The following ACOXL variants were observed in gnomAD, a reference collection of about 807,000 sequenced individuals.
ACOXL encodes the protein acyl-coenzyme A oxidase-like protein.
A neutral mutation model predicts 71.9 loss-of-function variants in ACOXL; 70 were observed. The ratio of observed to expected loss-of-function variants is 0.97; its 90% confidence interval spans 0.80 to 1.19. The LOEUF (loss-of-function observed/expected upper bound fraction) is 1.19. Ranked by LOEUF, ACOXL falls within the 50% of genes most tolerant of loss-of-function variation. The pLI is 0.00. For missense variants in ACOXL, 703 were observed against 736.3 expected (o/e 0.95, Z 0.52); for synonymous variants, 253 against 281.6 (o/e 0.90, Z 1.02).
intron 10 of ACOXL, among the ~76,000 whole-genome samples, chr2:110,860,496 CTG>C (rs1322773442): frequency 6.6e-6 from 1 of 152,228 alleles, no homozygotes; most frequent in African/African-American, 2.4e-5. Flanking sequence ...GCTGGGGTGT[CTG>C]TGCATCACCT....
At chr2:110,743,408 A>T (rs1015503844) in intron 1 of ACOXL, among the ~76,000 whole-genome samples, 2 of 152,146 alleles carry the variant, frequency 1.3e-5, no homozygotes, top group Non-Finnish European at 2.9e-5. Context: ...CAGTCCCTAC[A>T]TTTTTTTCTA....
intron 10 of ACOXL, among the ~76,000 whole-genome samples, chr2:110,859,911 G>A (rs1336379573): frequency 6.6e-6 from 1 of 152,078 alleles, no homozygotes; most frequent in Non-Finnish European, 1.5e-5. Context: ...AGAATCCTTG[G>A]AAAGCCATTT....
intron 1 of ACOXL, among the ~76,000 whole-genome samples, chr2:110,747,127 C>T (rs899933481): frequency 2.0e-5 from 3 of 152,136 alleles, no homozygotes; most frequent in Admixed American, 6.5e-5. Flanking sequence ...GACCTGCACA[C>T]TAGGGGATGA....
chr2:111,046,453 A>C (rs370815474), intron 15 of ACOXL, among the ~76,000 whole-genome samples: 2 of 152,184 alleles, frequency 1.3e-5, no homozygotes, highest in South Asian at 2.1e-4. Context: ...TTTATGAAGG[A>C]AAGAGGTTTA....
At chr2:110,999,163 CT>C (rs1276674528) in intron 14 of ACOXL, among the ~76,000 whole-genome samples, 1 of 152,122 alleles carries the variant, frequency 6.6e-6, no homozygotes, top group Non-Finnish European at 1.5e-5. Context: ...GGTTGGTTTT[CT>C]TTGAGCTTCT....
At chr2:110,776,972 C>A (rs978975550) in intron 2 of ACOXL, among the ~76,000 whole-genome samples, 1 of 151,694 alleles carries the variant, frequency 6.6e-6, no homozygotes, top group Non-Finnish European at 1.5e-5. Flanking sequence ...GAAGGTCAAG[C>A]AGTAGACAGA....
At chr2:110,871,193 C>T (rs918288971) in intron 10 of ACOXL, among the ~76,000 whole-genome samples, 4 of 152,018 alleles carry the variant, frequency 2.6e-5, no homozygotes, top group Non-Finnish European at 4.4e-5. Context: ...TGGAAAAATC[C>T]CTTTCGGTGT....
At chr2:111,050,917 G>C (rs2066259946) in intron 16 of ACOXL, among the ~76,000 whole-genome samples, 1 of 152,154 alleles carries the variant, frequency 6.6e-6, no homozygotes, top group Admixed American at 6.5e-5. Context: ...ATGGTGCTCT[G>C]GCTGGCTTCT....
At chr2:110,850,960 A>G (rs534533854) in intron 10 of ACOXL, among the ~76,000 whole-genome samples, 2 of 152,346 alleles carry the variant, frequency 1.3e-5, no homozygotes, top group Non-Finnish European at 2.9e-5. Flanking sequence ...ACTTCCATAC[A>G]GTGAGATACT....
chr2:111,113,613 A>G (rs1423531813), intron 17 of ACOXL, among the ~76,000 whole-genome samples: 1 of 152,226 alleles, frequency 6.6e-6, no homozygotes, highest in Non-Finnish European at 1.5e-5. Context: ...AGGCTGGAGT[A>G]ACAAGCTATG....
chr2:111,042,403 C>G (rs1395715145), intron 15 of ACOXL, among the ~76,000 whole-genome samples: 1 of 152,236 alleles, frequency 6.6e-6, no homozygotes, highest in African/African-American at 2.4e-5. Flanking sequence ...GGTGCAGGCT[C>G]CCTGCACGGC....
intron 12 of ACOXL, among the ~76,000 whole-genome samples, chr2:110,964,043 A>T (rs576022280): frequency 6.6e-6 from 1 of 152,192 alleles, no homozygotes; most frequent in Admixed American, 6.5e-5. Context: ...ACGGCAATGG[A>T]TCAGCCTCCT....
At chr2:110,969,683 C>A (rs1303571642) in intron 12 of ACOXL, among the ~76,000 whole-genome samples, 3 of 151,912 alleles carry the variant, frequency 2.0e-5, no homozygotes, top group African/African-American at 7.3e-5. Context: ...TGATGGTGCA[C>A]ATCTGTAATC....
intron 1 of ACOXL, among the ~76,000 whole-genome samples, chr2:110,759,097 G>A (rs999811533): frequency 6.6e-6 from 1 of 152,102 alleles, no homozygotes; most frequent in Non-Finnish European, 1.5e-5. Flanking sequence ...ACTTCCAATT[G>A]TGTGATCAGT....
At chr2:111,032,251 C>T (rs927023575) in intron 15 of ACOXL, among the ~76,000 whole-genome samples, 4 of 152,110 alleles carry the variant, frequency 2.6e-5, no homozygotes, top group Admixed American at 6.5e-5. Flanking sequence ...TGTTTAGAGA[C>T]GTTTTTGGTT....
At chr2:110,801,040 C>CT (rs1250696220) in intron 7 of ACOXL, among the ~76,000 whole-genome samples, 2 of 152,182 alleles carry the variant, frequency 1.3e-5, no homozygotes, top group Non-Finnish European at 2.9e-5. Context: ...TTAAATCTCT[C>CT]TAAGTTTTCA....
chr2:111,108,853 G>A (rs1167902457), intron 17 of ACOXL, among the ~76,000 whole-genome samples: 1 of 152,228 alleles, frequency 6.6e-6, no homozygotes, highest in African/African-American at 2.4e-5. Context: ...TAAGAGCTCA[G>A]TTTGCCTGCT....
intron 17 of ACOXL, among the ~76,000 whole-genome samples, chr2:111,103,884 A>G (rs1031808259): frequency 2.6e-5 from 4 of 152,172 alleles, no homozygotes; most frequent in Non-Finnish European, 4.4e-5. Context: ...TAGCTTTACA[A>G]TATCACACCC....
rs149923718 is a variant in ACOXL at position 110,943,949 on chromosome 2, A to G, written c.1059+10307A>G. On this transcript the variant is annotated intron_variant, in intron 12 of 17. Coordinates refer to ENST00000439055, the MANE Select transcript of ACOXL (RefSeq NM_001142807.4). ...CTCAAATTGAGTGAATACTATTATT[A>G]GTCTTACTTTACACAAGAAGGAAAC... 8.7e-4 allele frequency among the ~76,000 whole-genome samples: 132 copies of G among 152,340 alleles called. 1 individual carries two copies. The highest frequency in any genetic ancestry group is 3.0e-3 in the African/African-American group (125 of 41,574).
Sources: gnomAD v4.1 joint callset for allele counts (sites outside exome capture counted in the v4.1 genomes callset) on GRCh38, gnomAD v4.1.1 for gene constraint, MANE v1.5 for transcripts, NCBI Gene and HGNC (gene_info 2026-07-23, HGNC 2026-07-21) for gene names.